The following UVSSA variants were observed in gnomAD, a reference collection of about 807,000 sequenced individuals.
UVSSA encodes UV-stimulated scaffold protein A.
In UVSSA, 72 loss-of-function variants were observed where a neutral mutation model predicts 73.9. The ratio of observed to expected loss-of-function variants is 0.97; its 90% CI spans 0.81 to 1.19. The LOEUF is 1.19. Among genes scored for constraint, UVSSA ranks in the 50% most tolerant of loss-of-function variants. The probability of loss-of-function intolerance (pLI) is 0.00; values close to 1 mark genes in which losing one functional copy is unlikely to be tolerated. For synonymous variants in UVSSA, 454 were observed against 391.3 expected, an observed-to-expected ratio of 1.16 and a Z score of -1.89; for missense variants, 1,150 against 965.0, an observed-to-expected ratio of 1.19 and a Z score of -2.54.
At chr4:1,363,087 C>T (rs1208547011) in intron 7 of UVSSA, among the ~76,000 whole-genome samples, 1 of 146,248 alleles carries the variant, frequency 6.8e-6, no homozygotes, top group Non-Finnish European at 1.5e-5. Flanking sequence ...AGTGAAGCCC[C>T]TCAATGCTGA....
At chr4:1,383,665 C>A (rs770994076) in intron 12 of UVSSA, 101 bp from the exon 13 acceptor site, 1 of 1,466,548 alleles carries the variant, frequency 6.8e-7, no homozygotes, top group African/African-American at 1.4e-5. Context: ...GCGACCCAGC[C>A]CCCCTGTCAG....
intron 8 of UVSSA, among the ~76,000 whole-genome samples, chr4:1,374,378 A>G (rs1718493457): frequency 6.6e-6 from 1 of 152,200 alleles, no homozygotes; most frequent in Admixed American, 6.5e-5. Context: ...CCTGACCGAG[A>G]GGCGCCGTCA....
rs1717196801 is a variant in UVSSA at position 1,365,555 on chromosome 4, C to T, written c.1177-765C>T. ...GAGGGAGGCGGGGGTGGCACGAGGG[C>T]TCTCCAGACTCAGTGAGGGATCCCC... On this transcript the variant is annotated intron_variant, in intron 7 of 13. Coordinates refer to ENST00000389851, the MANE Select transcript of UVSSA (RefSeq NM_020894.4). Among the ~76,000 whole-genome samples, 4 of 152,344 alleles carry T rather than the reference C, an allele frequency of 2.6e-5. No individual in the cohort carries two copies. The South Asian group carries it at 8.3e-4, about 32-fold the overall frequency.
At chr4:1,346,637 CG>C (rs1713721667), upstream of UVSSA, among the ~76,000 whole-genome samples, 1 of 152,058 alleles carries the variant, frequency 6.6e-6, no homozygotes, top group Admixed American at 6.5e-5. Flanking sequence ...GGAGGCGCCG[CG>C]GGGTTCAGGG....
intron 7 of UVSSA, chr4:1,357,924 C>T (rs1349690571): frequency 6.6e-6 from 1 of 152,482 alleles, no homozygotes; most frequent in African/African-American, 2.4e-5. Context: ...GCACGGCCGC[C>T]TGAAGGACCC....
chr4:1,381,046 G>A, intron 12 of UVSSA, 58 bp downstream of exon 12: 1 of 1,508,992 alleles, frequency 6.6e-7, no homozygotes, highest in Admixed American at 1.9e-5. Context: ...ACTGCCACTA[G>A]TGGCCCGGGG....
chr4:1,382,489 G>T (rs149999135), intron 12 of UVSSA, among the ~76,000 whole-genome samples: 2 of 152,214 alleles, frequency 1.3e-5, no homozygotes, highest in African/African-American at 4.8e-5. Context: ...GGAAGGCCGC[G>T]CGGTCCCAGC....
intron 5 of UVSSA, 127 bp downstream of exon 5, chr4:1,353,540 G>T (rs766617413): frequency 5.0e-5 from 65 of 1,290,016 alleles, no homozygotes; most frequent in Non-Finnish European, 6.4e-5. Flanking sequence ...TAGGTCAGGG[G>T]TCACCACCAG....
At position 1,376,132 on chromosome 4, in the gene UVSSA, G is replaced by A; in HGVS notation, c.1532G>A (p.Trp511Ter). ...VVPYGVDLHY[W>*]GQELPTAGKI... ...CCCTACGGCGTGGACCTGCACTACTGGGGCCAGGAGCTCCCCACAGCCGGG... is the reference window on the plus strand; with the variant it reads ...CCCTACGGCGTGGACCTGCACTACTAGGGCCAGGAGCTCCCCACAGCCGGG... Residue 511 changes from tryptophan to a stop codon, truncating the protein, a stop_gained, in exon 10 of 14, where the codon TGG (tryptophan) becomes TAG (stop). Transcript: ENST00000389851. LOFTEE classifies it high-confidence loss of function. The A allele has an allele frequency of 6.2e-7, 1 of 1,610,200 alleles. No individual in the cohort carries two copies. The highest frequency in any genetic ancestry group is 8.5e-7 in the Non-Finnish European group (1 of 1,178,780).
At chr4:1,374,097 G>A (rs2109256811) in intron 8 of UVSSA, among the ~76,000 whole-genome samples, 1 of 152,326 alleles carries the variant, frequency 6.6e-6, no homozygotes, top group Middle Eastern at 3.4e-3. Flanking sequence ...CCGGGGCCAG[G>A]ACGCCTTGCT....
chr4:1,376,590 T>C (rs920099532), intron 10 of UVSSA, among the ~76,000 whole-genome samples: 1 of 152,194 alleles, frequency 6.6e-6, no homozygotes, highest in African/African-American at 2.4e-5. Context: ...GCGGGGGCTC[T>C]GCAAGGAGCC....
At position 1,384,356 on chromosome 4, in the gene UVSSA, A is replaced by G. The variant is rs773496269; in HGVS notation, c.2036+416A>G. 21 of 189,936 alleles carry G rather than the reference A, an allele frequency of 1.1e-4. No homozygotes were observed. In the South Asian group the frequency reaches 1.3e-3, roughly 12 times the overall value. 11.8% of individuals were successfully genotyped at this position (189,936 alleles called of 1,614,324 possible). On this transcript the variant is annotated intron_variant, in intron 13 of 13. Transcript: ENST00000389851. ...GGCGATGACTGCAAAGGCGGGCAGA[A>G]CGGGGGTCCACGCGTCAGCCCCAGC...
At chr4:1,368,543 G>A (rs886389971) in intron 8 of UVSSA, among the ~76,000 whole-genome samples, 1 of 152,232 alleles carries the variant, frequency 6.6e-6, no homozygotes, top group African/African-American at 2.4e-5. Context: ...GAAGCCCAGG[G>A]GTCCTGAGCC....
At chr4:1,372,149 G>A (rs371294842) in intron 8 of UVSSA, among the ~76,000 whole-genome samples, 12 of 152,030 alleles carry the variant, frequency 7.9e-5, no homozygotes, top group East Asian at 1.9e-4. Flanking sequence ...CACTGTTTTC[G>A]TAGTAAATCT....
intron 7 of UVSSA, among the ~76,000 whole-genome samples, chr4:1,362,071 C>A (rs929091464): frequency 1.3e-5 from 2 of 152,216 alleles, no homozygotes; most frequent in African/African-American, 4.8e-5. Context: ...TAATTAGTAA[C>A]CTCGCCACCC....
chr4:1,376,790 A>G (rs978333880), intron 10 of UVSSA, among the ~76,000 whole-genome samples: 1 of 152,124 alleles, frequency 6.6e-6, no homozygotes, highest in Non-Finnish European at 1.5e-5. Flanking sequence ...TATCGGGGGA[A>G]CAGGGCCCCT....
chr4:1,362,605 A>G (rs1194252172), intron 7 of UVSSA, among the ~76,000 whole-genome samples: 2 of 152,226 alleles, frequency 1.3e-5, no homozygotes, highest in Non-Finnish European at 2.9e-5. Flanking sequence ...TTGCTCGTCC[A>G]GAGCCCCCCC....
intron 8 of UVSSA, 175 bp from the exon 9 acceptor site, chr4:1,375,189 C>CTGCT (rs1718601739): frequency 1.9e-6 from 2 of 1,043,346 alleles, no homozygotes; most frequent in African/African-American, 3.2e-5. Context: ...GTGGCCTGAG[C>CTGCT]TGCTGCTCCG....
At position 1,372,833 on chromosome 4, in the gene UVSSA, G is replaced by A. The variant is rs62284731; in HGVS notation, c.1289-2531G>A. ...GCGTCTCAGGGCACTCACCTCCCGCGTCTCAGGGCACTCACCTCCCGCGTC... is the reference window on the plus strand; with the variant it reads ...GCGTCTCAGGGCACTCACCTCCCGCATCTCAGGGCACTCACCTCCCGCGTC... On this transcript the variant is annotated intron_variant, in intron 8 of 13. Coordinates refer to ENST00000389851, the MANE Select transcript of UVSSA (RefSeq NM_020894.4). Among the ~76,000 whole-genome samples, 21 of 26,330 alleles carry A rather than the reference G, an allele frequency of 8.0e-4. 2 individuals are homozygous for A. Among genetic ancestry groups the A allele is most frequent in the South Asian group, 3.2e-3 (4 of 1,262 alleles). 17.3% of individuals were successfully genotyped at this position (26,330 alleles called of 152,430 possible).
Sources: allele counts gnomAD v4.1 joint callset (sites outside exome capture counted in the v4.1 genomes callset), GRCh38; gene constraint gnomAD v4.1.1; transcripts MANE v1.5; gene names NCBI Gene and HGNC (gene_info 2026-07-23, HGNC 2026-07-21).